The following EPB41L4B variants were observed in gnomAD, a reference collection of about 807,000 sequenced individuals.
EPB41L4B encodes erythrocyte membrane protein band 4.1 like 4B.
Under a neutral mutation model 112.5 loss-of-function variants are expected in EPB41L4B, and 30 were observed. That is an observed-to-expected ratio of 0.27 (90% CI 0.20 to 0.36). The LOEUF is 0.36. Ranked by LOEUF, EPB41L4B falls within the 10% of genes least tolerant of loss-of-function variation. EPB41L4B has a pLI of 1.00. For synonymous variants in EPB41L4B, 408 were observed against 439.7 expected, an observed-to-expected ratio of 0.93 and a Z score of 0.90; for missense variants, 1,024 against 1,133.3, an observed-to-expected ratio of 0.90 and a Z score of 1.38.
intron 1 of EPB41L4B, among the ~76,000 whole-genome samples, chr9:109,318,914 C>T (rs1167560650): frequency 6.6e-6 from 1 of 152,208 alleles, no homozygotes; most frequent in African/African-American, 2.4e-5. Context: ...AACTCCAAGC[C>T]AGGCAGGCTC....
Position 109,268,351 on chromosome 9 carries a change from G to GA in EPB41L4B, c.454+39dup, listed in dbSNP as rs200726578. On this transcript the variant is annotated intron_variant, in intron 3 of 25. Coordinates refer to ENST00000374566, the MANE Select transcript of EPB41L4B (RefSeq NM_019114.5). ...ACACTGGCAAAGGAGTTTACTCTCA[G>GA]AAAAAAAATAAATGAGTGAGCTAAA... 1.6e-4 allele frequency: 252 copies of GA among 1,583,570 alleles called. 2 individuals carry two copies. The African/African-American group carries it at 2.6e-3, about 16-fold the overall frequency.
chr9:109,273,031 G>A (rs974924160), intron 2 of EPB41L4B, among the ~76,000 whole-genome samples: 1 of 152,026 alleles, frequency 6.6e-6, no homozygotes, highest in Non-Finnish European at 1.5e-5. Flanking sequence ...CCTGTGGGGG[G>A]ATCTTTCCTG....
intron 15 of EPB41L4B, among the ~76,000 whole-genome samples, chr9:109,239,162 A>G (rs1834263292): frequency 6.6e-6 from 1 of 152,236 alleles, no homozygotes; most frequent in African/African-American, 2.4e-5. Context: ...TATGGGATCC[A>G]TGCCAGTAAG....
chr9:109,313,716 C>G (rs190357300), intron 1 of EPB41L4B, among the ~76,000 whole-genome samples: 523 of 152,254 alleles, frequency 3.4e-3, no homozygotes, highest in Non-Finnish European at 5.9e-3. Flanking sequence ...GCACTGGGGG[C>G]TCCCCACCCC....
chr9:109,302,567 G>C (rs896243388), intron 1 of EPB41L4B, among the ~76,000 whole-genome samples: 1 of 152,088 alleles, frequency 6.6e-6, no homozygotes, highest in Non-Finnish European at 1.5e-5. Context: ...AGCCAAGTTG[G>C]AACTGCAGAA....
chr9:109,235,819 T>C (rs1286368463), intron 15 of EPB41L4B, among the ~76,000 whole-genome samples: 1 of 152,218 alleles, frequency 6.6e-6, no homozygotes, highest in Non-Finnish European at 1.5e-5. Context: ...TTGTATATAA[T>C]GTCATTTATT....
intron 20 of EPB41L4B, chr9:109,196,290 T>C (rs755264127): frequency 1.3e-5 from 2 of 152,142 alleles, no homozygotes; most frequent in African/African-American, 4.8e-5. Context: ...TTTTAGTATA[T>C]GTGATGCCAA....
intron 1 of EPB41L4B, among the ~76,000 whole-genome samples, chr9:109,288,990 C>A (rs1171181364): frequency 1.3e-5 from 2 of 152,110 alleles, no homozygotes; most frequent in African/African-American, 4.8e-5. Flanking sequence ...CACGGTAGCC[C>A]AGAAGGACTA....
chr9:109,222,438 C>T (rs1833611842), intron 15 of EPB41L4B, among the ~76,000 whole-genome samples: 1 of 152,126 alleles, frequency 6.6e-6, no homozygotes, highest in Non-Finnish European at 1.5e-5. Flanking sequence ...CCCTGCGGAA[C>T]TCCTGGAGAT....
At chr9:109,240,628 A>T (rs1834320448) in intron 15 of EPB41L4B, 2 of 985,442 alleles carry the variant, frequency 2.0e-6, no homozygotes, top group Non-Finnish European at 2.4e-6. Context: ...AAAAGACAAC[A>T]TATTGATTTC....
At chr9:109,221,440 A>G (rs559676466) in intron 15 of EPB41L4B, among the ~76,000 whole-genome samples, 1 of 152,230 alleles carries the variant, frequency 6.6e-6, no homozygotes, top group East Asian at 1.9e-4. Context: ...AGGCCTGGAG[A>G]GGGCTTCCCA....
At chr9:109,237,293 C>T (rs1270668795) in intron 15 of EPB41L4B, among the ~76,000 whole-genome samples, 1 of 147,598 alleles carries the variant, frequency 6.8e-6, no homozygotes, top group Non-Finnish European at 1.5e-5. Context: ...AATTAATTAC[C>T]TGGCAGGATT....
chr9:109,214,400 T>C (rs917895667), intron 16 of EPB41L4B, among the ~76,000 whole-genome samples: 3 of 152,218 alleles, frequency 2.0e-5, no homozygotes, highest in African/African-American at 7.2e-5. Context: ...CGTTAGCAAC[T>C]GGGATCTGGG....
chr9:109,311,891 A>T (rs902889569), intron 1 of EPB41L4B, among the ~76,000 whole-genome samples: 1 of 152,174 alleles, frequency 6.6e-6, no homozygotes, highest in Non-Finnish European at 1.5e-5. Context: ...AGGGGATGAT[A>T]ACGTGCACCT....
At chr9:109,266,924 A>G (rs2119265) in intron 4 of EPB41L4B, among the ~76,000 whole-genome samples, 126,624 of 147,332 alleles carry the variant, frequency 0.86, 54,810 homozygotes, top group Middle Eastern at 0.96. Context: ...ACCCAAGATC[A>G]TGCCACTGCA....
chr9:109,185,548 G>A lies in EPB41L4B; in HGVS notation c.2359C>T (p.Leu787Phe). The change falls in exon 23 of 26, where the codon CTC (leucine) becomes TTC (phenylalanine). Residue 787 changes from leucine to phenylalanine, a missense_variant. Leu to Phe is a conservative substitution (Grantham distance 22). Transcript: ENST00000374566. ...AHSRCSPPLSLPMKEETTGVC... is the reference protein window; with the variant it reads ...AHSRCSPPLSFPMKEETTGVC... ...CCAGTGGTCTCTTCCTTCATGGGGA[G>A]AGAGAGTGGAGGAGAACAGCGAGAG... 2 of 1,613,388 alleles carry A rather than the reference G, an allele frequency of 1.2e-6. No individual in the cohort carries two copies. The highest frequency in any genetic ancestry group is 2.2e-5 in the East Asian group (1 of 44,774).
intron 19 of EPB41L4B, 61 bp from the exon 20 acceptor site, chr9:109,200,395 C>G: frequency 3.1e-6 from 4 of 1,290,952 alleles, no homozygotes; most frequent in Non-Finnish European, 4.5e-6. Flanking sequence ...CTCGTTTTAG[C>G]CATAGGGACT....
chr9:109,208,533 T>C (rs1192605187), intron 17 of EPB41L4B, among the ~76,000 whole-genome samples: 3 of 152,226 alleles, frequency 2.0e-5, no homozygotes, highest in Non-Finnish European at 4.4e-5. Context: ...TGTTAGCTTA[T>C]TGTAGAGTGT....
chr9:109,252,140 C>T (rs886395592), intron 12 of EPB41L4B, among the ~76,000 whole-genome samples: 1 of 152,226 alleles, frequency 6.6e-6, no homozygotes, highest in East Asian at 1.9e-4. Flanking sequence ...GGTCAAACCA[C>T]AGGACGTCCA....
Sources: gnomAD v4.1 joint callset for allele counts (sites outside exome capture counted in the v4.1 genomes callset) on GRCh38, gnomAD v4.1.1 for gene constraint, MANE v1.5 for transcripts, NCBI Gene and HGNC (gene_info 2026-07-23, HGNC 2026-07-21) for gene names.